Variants in ANKRD30A observed in about 807,000 individuals in gnomAD.
ANKRD30A encodes ankyrin repeat domain 30A.
ANKRD30A carries 170 observed loss-of-function variants against 166.3 expected under a neutral mutation model. The ratio of observed to expected loss-of-function variants is 1.02; its 90% CI spans 0.90 to 1.16. The LOEUF (loss-of-function observed/expected upper bound fraction) is 1.16, where lower values mean the gene tolerates loss of function less well. Ranked by LOEUF, ANKRD30A falls within the 50% of genes most tolerant of loss-of-function variation. The pLI is 0.00. For synonymous variants in ANKRD30A, 564 were observed against 508.9 expected (o/e 1.11, Z -1.46); for missense variants, 1,630 against 1,518.0 (o/e 1.07, Z -1.23).
At chr10:37,220,968 T>C (rs2132748133) in intron 34 of ANKRD30A, among the ~76,000 whole-genome samples, 1 of 151,326 alleles carries the variant, frequency 6.6e-6, no homozygotes, top group African/African-American at 2.4e-5. Flanking sequence ...AACTTTGATG[T>C]TGATTTGTGC....
At chr10:37,230,280 G>T (rs926448833) in intron 34 of ANKRD30A, among the ~76,000 whole-genome samples, 2 of 151,946 alleles carry the variant, frequency 1.3e-5, no homozygotes, top group African/African-American at 4.8e-5. Context: ...TCATTAATTT[G>T]CCTCAAAAGT....
chr10:37,229,213 A>C (rs962822953), intron 34 of ANKRD30A, among the ~76,000 whole-genome samples: 9 of 152,090 alleles, frequency 5.9e-5, no homozygotes, highest in African/African-American at 2.2e-4. Flanking sequence ...AGTTTAGAAA[A>C]GGCTCTCTAT....
At chr10:37,136,952 T>C (rs1836738891) in intron 6 of ANKRD30A, among the ~76,000 whole-genome samples, 2 of 151,732 alleles carry the variant, frequency 1.3e-5, no homozygotes, top group Admixed American at 1.3e-4. Context: ...AATATTTGTT[T>C]AATTATGGTC....
chr10:37,232,695 A>AGAGAGAGAGAGAGAGAG (rs1564604874), downstream of ANKRD30A: 14 of 10,844 alleles, frequency 1.3e-3, no homozygotes, highest in African/African-American at 3.4e-3. Flanking sequence ...TATATATATA[A>AGAGAGAGAGAGAGAGAG]ATAGAGAGAG....
intron 13 of ANKRD30A, among the ~76,000 whole-genome samples, chr10:37,154,789 A>G (rs745458795): frequency 3.9e-5 from 6 of 152,114 alleles, no homozygotes; most frequent in Middle Eastern, 3.4e-3. Context: ...AGCATTTAGA[A>G]AAGTTTTACT....
At chr10:37,236,253 T>A (rs1843670359), downstream of ANKRD30A, among the ~76,000 whole-genome samples, 2 of 152,188 alleles carry the variant, frequency 1.3e-5, no homozygotes, top group Non-Finnish European at 2.9e-5. Context: ...AACATAGGAA[T>A]TAGATTGATA....
chr10:37,126,390 T>G (rs925684860), intron 1 of ANKRD30A, among the ~76,000 whole-genome samples: 5 of 152,244 alleles, frequency 3.3e-5, no homozygotes, highest in African/African-American at 1.2e-4. Flanking sequence ...GTTAGATACA[T>G]TATGAAATGG....
At chr10:37,255,525 T>C in the ANKRD30A span, among the ~76,000 whole-genome samples, 1 of 152,210 alleles carries the variant, frequency 6.6e-6, no homozygotes, top group South Asian at 2.1e-4. Flanking sequence ...AAACATAAAA[T>C]TCAGAGGCAT....
chr10:37,206,678 C>T (rs1345116686), intron 31 of ANKRD30A, among the ~76,000 whole-genome samples: 1 of 151,990 alleles, frequency 6.6e-6, no homozygotes, highest in African/African-American at 2.4e-5. Context: ...CCTGTAAACC[C>T]AGCTACTCAG....
At chr10:37,202,140 G>C (rs1331719647) in intron 31 of ANKRD30A, among the ~76,000 whole-genome samples, 4 of 152,062 alleles carry the variant, frequency 2.6e-5, no homozygotes, top group Non-Finnish European at 5.9e-5. Context: ...GGACAGAAAA[G>C]GGTCAGAAGA....
Position 37,216,259 on chromosome 10 carries a change from A to G in ANKRD30A, c.2948A>G (p.Glu983Gly), listed in dbSNP as rs1210657730. The stretch of plus-strand genomic sequence containing the variant: ...AGGGAACTTCAAAAAGATCACTGTG[A>G]ACAACGTACAGGAAAAATGGAACAA... ...RARELQKDHC[E>G]QRTGKMEQMK... The change falls in exon 32 of 36, where the codon GAA becomes GGA. Residue 983 changes from glutamate (E) to glycine (G), a missense_variant. Transcript: ENST00000361713. 6 of 1,608,594 alleles carry G rather than the reference A, an allele frequency of 3.7e-6. No homozygotes were observed. In the Admixed American group the frequency reaches 6.7e-5, roughly 18 times the overall value.
intron 32 of ANKRD30A, 48 bp from the exon 33 acceptor site, chr10:37,217,647 T>C (rs756178435): frequency 7.1e-7 from 1 of 1,402,954 alleles, no homozygotes; most frequent in Non-Finnish European, 9.5e-7. Flanking sequence ...CAAAATGAAT[T>C]CTATTTTCTA....
At chr10:37,126,207 T>C (rs889275218) in intron 1 of ANKRD30A, among the ~76,000 whole-genome samples, 199 bp downstream of exon 1, 27 of 152,292 alleles carry the variant, frequency 1.8e-4, no homozygotes, top group Non-Finnish European at 3.5e-4. Context: ...GCGGGGTCCC[T>C]GCAGGGCGGA....
At chr10:37,237,213 C>T (rs1258554066), downstream of ANKRD30A, among the ~76,000 whole-genome samples, 1 of 152,190 alleles carries the variant, frequency 6.6e-6, no homozygotes, top group Non-Finnish European at 1.5e-5. Context: ...AAGCCCATTT[C>T]TGGCCTGGAG....
intron 24 of ANKRD30A, among the ~76,000 whole-genome samples, chr10:37,183,771 G>A (rs1278533449): frequency 1.3e-5 from 2 of 148,156 alleles, no homozygotes; most frequent in Non-Finnish European, 3.0e-5. Flanking sequence ...AACTCCAGCA[G>A]TTTTATATTT....
At chr10:37,253,226 C>A in the ANKRD30A span, among the ~76,000 whole-genome samples, 2 of 152,140 alleles carry the variant, frequency 1.3e-5, no homozygotes, top group African/African-American at 4.8e-5. Flanking sequence ...ATAGAACTTT[C>A]TGTGAGGATA....
chr10:37,192,589 C>G (rs1276779383), intron 25 of ANKRD30A, among the ~76,000 whole-genome samples: 1 of 152,004 alleles, frequency 6.6e-6, no homozygotes, highest in Non-Finnish European at 1.5e-5. Context: ...TTCCTAAACT[C>G]CAGGACAAAT....
chr10:37,155,390 C>T (rs1459780474), intron 13 of ANKRD30A, among the ~76,000 whole-genome samples: 4 of 152,108 alleles, frequency 2.6e-5, no homozygotes, highest in Non-Finnish European at 4.4e-5. Context: ...TAGTATTATG[C>T]TTTAAGTATA....
At chr10:37,158,649 G>T in intron 15 of ANKRD30A, 63 bp downstream of exon 15, 1 of 1,587,040 alleles carries the variant, frequency 6.3e-7, no homozygotes, top group Non-Finnish European at 8.6e-7. Context: ...GAAATGCTGT[G>T]AGACTTTTCA....
Sources: gnomAD v4.1 joint callset for allele counts (sites outside exome capture counted in the v4.1 genomes callset) on GRCh38, gnomAD v4.1.1 for gene constraint, MANE v1.5 for transcripts, NCBI Gene and HGNC (gene_info 2026-07-23, HGNC 2026-07-21) for gene names.